Variants in PGAP4 observed in about 807,000 individuals in gnomAD.
PGAP4 encodes the protein GPI-N-acetylgalactosamine transferase PGAP4.
Under a neutral mutation model 28.2 loss-of-function variants are expected in PGAP4, and 12 were observed. That is an observed-to-expected ratio of 0.42 (90% confidence interval 0.27 to 0.69). PGAP4 has a LOEUF of 0.69. Ranked by LOEUF, PGAP4 falls within the 30% of genes least tolerant of loss-of-function variation. The probability of loss-of-function intolerance (pLI) is 0.22; values close to 1 mark genes in which losing one functional copy is unlikely to be tolerated. For synonymous variants in PGAP4, 205 were observed against 211.8 expected, an observed-to-expected ratio of 0.97 and a Z score of 0.28; for missense variants, 425 against 513.5, an observed-to-expected ratio of 0.83 and a Z score of 1.67.
At chr9:101,513,701 G>A (rs1399406090) in intron 2 of PGAP4, among the ~76,000 whole-genome samples, 1 of 152,142 alleles carries the variant, frequency 6.6e-6, no homozygotes, top group African/African-American at 2.4e-5. Flanking sequence ...TAGATAGACA[G>A]ATAGATAAGA....
intron 2 of PGAP4, among the ~76,000 whole-genome samples, chr9:101,511,461 A>G (rs1012552649): frequency 4.6e-5 from 7 of 152,206 alleles, no homozygotes; most frequent in African/African-American, 1.7e-4. Flanking sequence ...GGCTATGGAC[A>G]ACAAAGTGCT....
chr9:101,500,110 A>G (rs1826784251), intron 2 of PGAP4, among the ~76,000 whole-genome samples: 1 of 151,986 alleles, frequency 6.6e-6, no homozygotes, highest in East Asian at 1.9e-4. Flanking sequence ...TGCCTCTTTA[A>G]TCTCCTTTAA....
At chr9:101,511,212 G>A (rs1826895806) in intron 2 of PGAP4, among the ~76,000 whole-genome samples, 1 of 152,236 alleles carries the variant, frequency 6.6e-6, no homozygotes, top group South Asian at 2.1e-4. Context: ...TACAAGTGAT[G>A]GGGAGTGGCT....
chr9:101,507,897 T>A (rs776515080), intron 2 of PGAP4, among the ~76,000 whole-genome samples: 4 of 152,290 alleles, frequency 2.6e-5, no homozygotes, highest in Non-Finnish European at 5.9e-5. Flanking sequence ...TACAGTCTTC[T>A]CAATTCTAGC....
Position 101,476,418 on chromosome 9 carries a change from C to A in PGAP4, c.675G>T (p.Glu225Asp). 1.2e-6 allele frequency: 2 copies of A among 1,614,124 alleles called. No homozygotes were observed. Among genetic ancestry groups the A allele is most frequent in the Non-Finnish European group, 8.5e-7 (1 of 1,180,026 alleles). ...VPEEQIFPVL[E>D]HLLRARFSEP... is the part of the protein sequence containing the mutation. ...CAGAGAAGCGAGCCCGCAGAAGGTGCTCCAAGACTGGGAAGATCTGCTCTT... is the reference window on the plus strand; with the variant it reads ...CAGAGAAGCGAGCCCGCAGAAGGTGATCCAAGACTGGGAAGATCTGCTCTT... Residue 225 changes from glutamate to aspartate, a missense_variant, in exon 2 of 2, where the codon GAG (glutamate) becomes GAT (aspartate). Glu to Asp is a conservative substitution (Grantham distance 45). Coordinates refer to ENST00000374848, the MANE Select transcript of PGAP4 (RefSeq NM_032342.3). The surrounding 1 kb of genome is among the most constrained non-coding windows in gnomAD (Gnocchi z 7.0).
At chr9:101,506,196 T>C in intron 2 of PGAP4, among the ~76,000 whole-genome samples, 1 of 152,042 alleles carries the variant, frequency 6.6e-6, no homozygotes, top group Non-Finnish European at 1.5e-5. Flanking sequence ...TGTGGAAAAC[T>C]ATAGTAAGCC....
chr9:101,500,060 C>G (rs910197422), intron 2 of PGAP4, among the ~76,000 whole-genome samples: 8 of 151,904 alleles, frequency 5.3e-5, no homozygotes, highest in African/African-American at 1.7e-4. Flanking sequence ...AAGTTTAGTT[C>G]AAGATCAAAT....
chr9:101,485,659 T>A (rs1328875984), intron 1 of PGAP4, among the ~76,000 whole-genome samples: 1 of 152,156 alleles, frequency 6.6e-6, no homozygotes, highest in African/African-American at 2.4e-5. Flanking sequence ...TAAGACAAGA[T>A]ACCATTTTTT....
At chr9:101,500,619 C>T (rs760822411) in intron 2 of PGAP4, among the ~76,000 whole-genome samples, 13 of 151,778 alleles carry the variant, frequency 8.6e-5, no homozygotes, top group Admixed American at 2.6e-4. Flanking sequence ...GTCAGCCCAC[C>T]AGAGTGCTCA....
intron 2 of PGAP4, among the ~76,000 whole-genome samples, chr9:101,530,001 A>C (rs143043581): frequency 6.6e-4 from 100 of 152,360 alleles, no homozygotes; most frequent in Non-Finnish European, 1.2e-3. Context: ...TGTTTAAAAT[A>C]AGGGAGTTCC....
intron 2 of PGAP4, among the ~76,000 whole-genome samples, chr9:101,519,821 C>G (rs1485523729): frequency 1.3e-5 from 2 of 151,930 alleles, no homozygotes; most frequent in East Asian, 3.9e-4. Context: ...AGGGTTTTTC[C>G]AATGTTATCT....
chr9:101,519,425 C>G (rs1439294196), intron 2 of PGAP4, among the ~76,000 whole-genome samples: 1 of 152,124 alleles, frequency 6.6e-6, no homozygotes, highest in East Asian at 1.9e-4. Context: ...TCCCAAAGTG[C>G]TAGGATTACA....
chr9:101,486,271 C>A lies in PGAP4; in HGVS notation c.-78+678G>T, dbSNP rs1392807569. ...TGTCGCTGACCTTGGGCAGTCCCTG[C>A]CACGCTTGAGCCTCAGTTTCCCACC... On this transcript the variant is annotated intron_variant, in intron 1 of 1. Coordinates refer to ENST00000374848, the MANE Select transcript of PGAP4 (RefSeq NM_032342.3). This position sits in a 1 kb window ranked among gnomAD's most constrained non-coding sequence, Gnocchi z 4.7. 6.6e-6 allele frequency among the ~76,000 whole-genome samples: 1 copy of A among 152,206 alleles called. No individual in the cohort carries two copies. The highest frequency in any genetic ancestry group is 2.4e-5 in the African/African-American group (1 of 41,472).
In PGAP4 at chr9:101,477,941, G is replaced by C. The variant is rs1398074955; in HGVS notation, c.-77-772C>G. ...GGAGCGGGGGGGGAAAGGCAGAGGT[G>C]AATATGGAAGAGACAGTTGCCCTCA... is the stretch of plus-strand genomic sequence containing the variant. On this transcript the variant is annotated intron_variant, in intron 1 of 1. Coordinates refer to ENST00000374848, the MANE Select transcript of PGAP4 (RefSeq NM_032342.3). 2.6e-5 allele frequency among the ~76,000 whole-genome samples: 4 copies of C among 152,052 alleles called. No individual in the cohort carries two copies. In the East Asian group the frequency reaches 7.7e-4, roughly 29 times the overall value.
At chr9:101,514,852 C>T (rs1306256425) in intron 2 of PGAP4, among the ~76,000 whole-genome samples, 1 of 152,132 alleles carries the variant, frequency 6.6e-6, no homozygotes, top group African/African-American at 2.4e-5. Context: ...CTCATCATGA[C>T]TTTATACTGA....
chr9:101,491,811 G>GGATA (rs1826691736), upstream of PGAP4, among the ~76,000 whole-genome samples: 1 of 53,012 alleles, frequency 1.9e-5, no homozygotes, highest in African/African-American at 8.2e-5. Context: ...AAATCTTAAA[G>GGATA]GATATATATA....
At chr9:101,479,610 A>G (rs1013016628) in intron 1 of PGAP4, among the ~76,000 whole-genome samples, 1 of 152,228 alleles carries the variant, frequency 6.6e-6, no homozygotes, top group African/African-American at 2.4e-5. Context: ...CGTCTGTGAG[A>G]CTGCTGTTCT....
chr9:101,500,092 A>G (rs1826784070), intron 2 of PGAP4, among the ~76,000 whole-genome samples: 1 of 151,974 alleles, frequency 6.6e-6, no homozygotes, highest in South Asian at 2.1e-4. Flanking sequence ...TTTTGCATGT[A>G]TTTGTTTTGC....
At chr9:101,491,839 A>ATATATATATC (rs1262549349), upstream of PGAP4, among the ~76,000 whole-genome samples, 3 of 124,022 alleles carry the variant, frequency 2.4e-5, no homozygotes, top group East Asian at 5.8e-4. Flanking sequence ...ATATATATAT[A>ATATATATATC]TATATATATT....
Sources: allele counts gnomAD v4.1 joint callset (sites outside exome capture counted in the v4.1 genomes callset), GRCh38; gene constraint gnomAD v4.1.1; non-coding constraint Gnocchi (gnomAD v3.1); transcripts MANE v1.5; gene names NCBI Gene and HGNC (gene_info 2026-07-23, HGNC 2026-07-21).